SKAP1: variants seen among roughly 807,000 people sequenced by gnomAD.
The protein encoded by SKAP1 is src kinase-associated phosphoprotein 1.
Under a neutral mutation model 58.5 loss-of-function variants are expected in SKAP1, and 44 were observed. The observed-to-expected ratio is 0.75, with a 90% CI of 0.59 to 0.97. The LOEUF (loss-of-function observed/expected upper bound fraction) is 0.97, where lower values mean the gene tolerates loss of function less well. Among genes scored for constraint, SKAP1 ranks in the 50% least tolerant of loss-of-function variants. The pLI is 0.00. For missense variants in SKAP1, 390 were observed against 435.2 expected, an observed-to-expected ratio of 0.90 and a Z score of 0.92; for synonymous variants, 127 against 149.7, an observed-to-expected ratio of 0.85 and a Z score of 1.11.
intron 4 of SKAP1, among the ~76,000 whole-genome samples, chr17:48,344,816 GA>G (rs901230060): frequency 1.1e-3 from 170 of 151,418 alleles, no homozygotes; most frequent in African/African-American, 3.8e-3. Context: ...CAGTGAAAGG[GA>G]AAAAAAACAT....
chr17:48,347,170 A>G (rs2066733580), intron 3 of SKAP1, among the ~76,000 whole-genome samples: 2 of 152,210 alleles, frequency 1.3e-5, no homozygotes, highest in African/African-American at 4.8e-5. Flanking sequence ...TCCCCCAAAT[A>G]GAGGTACAGT....
chr17:48,138,300 G>A (rs780540268), intron 11 of SKAP1, among the ~76,000 whole-genome samples: 31 of 151,596 alleles, frequency 2.0e-4, no homozygotes, highest in Non-Finnish European at 4.1e-4. Flanking sequence ...CGGCTCCCAC[G>A]TTCAAGCAAT....
At chr17:48,393,571 T>G (rs150758932) in intron 2 of SKAP1, among the ~76,000 whole-genome samples, 1 of 152,098 alleles carries the variant, frequency 6.6e-6, no homozygotes, top group Non-Finnish European at 1.5e-5. Flanking sequence ...TTACAGCAAG[T>G]CCACAACCAT....
intron 4 of SKAP1, among the ~76,000 whole-genome samples, chr17:48,288,740 G>A (rs1428149991): frequency 2.6e-5 from 4 of 152,186 alleles, no homozygotes; most frequent in Non-Finnish European, 4.4e-5. Flanking sequence ...GAGGCAGACT[G>A]CTAGGAATCT....
At chr17:48,256,768 G>T (rs2065427971) in intron 4 of SKAP1, among the ~76,000 whole-genome samples, 1 of 152,074 alleles carries the variant, frequency 6.6e-6, no homozygotes, top group Non-Finnish European at 1.5e-5. Context: ...GCAATTGAAG[G>T]TAAGGAAGGA....
At chr17:48,179,691 T>G (rs920928001) in intron 9 of SKAP1, among the ~76,000 whole-genome samples, 1 of 152,192 alleles carries the variant, frequency 6.6e-6, no homozygotes, top group Non-Finnish European at 1.5e-5. Flanking sequence ...TTTCCATTAT[T>G]CTCACAACTA....
At chr17:48,173,532 A>G (rs2064245795) in intron 9 of SKAP1, among the ~76,000 whole-genome samples, 1 of 152,206 alleles carries the variant, frequency 6.6e-6, no homozygotes, top group Non-Finnish European at 1.5e-5. Context: ...TTAGGATTGG[A>G]AACATTAGAG....
intron 4 of SKAP1, among the ~76,000 whole-genome samples, chr17:48,242,646 T>TG (rs1182792431): frequency 6.6e-6 from 1 of 152,218 alleles, no homozygotes; most frequent in African/African-American, 2.4e-5. Context: ...AGTTAACCAC[T>TG]GCAAGGAAGG....
intron 3 of SKAP1, among the ~76,000 whole-genome samples, chr17:48,353,180 T>C (rs1456129452): frequency 6.6e-6 from 1 of 152,216 alleles, no homozygotes; most frequent in Non-Finnish European, 1.5e-5. Flanking sequence ...CTTTTTGGTA[T>C]GAATTTCATG....
At chr17:48,437,535 G>T in the SKAP1 span, among the ~76,000 whole-genome samples, 1 of 152,054 alleles carries the variant, frequency 6.6e-6, no homozygotes, top group South Asian at 2.1e-4. Context: ...TTGAGGCCAG[G>T]AGTTTGAGAC....
chr17:48,370,902 A>AT (rs1328930539), intron 2 of SKAP1, among the ~76,000 whole-genome samples: 2 of 152,230 alleles, frequency 1.3e-5, no homozygotes, highest in Admixed American at 1.3e-4. Context: ...AGTGGATTAG[A>AT]TTTTTTTAAA....
chr17:48,227,048 T>C (rs2143761031), intron 4 of SKAP1, among the ~76,000 whole-genome samples: 1 of 152,298 alleles, frequency 6.6e-6, no homozygotes, highest in East Asian at 1.9e-4. Flanking sequence ...GTTATTGAGC[T>C]TGCTTTGAAT....
chr17:48,371,837 AAAAAAAAAAAG>A (rs1203626381), intron 2 of SKAP1, among the ~76,000 whole-genome samples: 3 of 134,278 alleles, frequency 2.2e-5, no homozygotes, highest in Admixed American at 7.2e-5. Flanking sequence ...ACCCTGTCTC[AAAAAAAAAAAG>A]AAAAGAAAAA....
At chr17:48,393,323 G>A (rs759091916) in intron 2 of SKAP1, among the ~76,000 whole-genome samples, 2 of 152,130 alleles carry the variant, frequency 1.3e-5, no homozygotes, top group Non-Finnish European at 2.9e-5. Context: ...AAAGAAAAGA[G>A]TATGTAAATA....
intron 4 of SKAP1, among the ~76,000 whole-genome samples, chr17:48,343,405 T>G (rs573863378): frequency 6.6e-6 from 1 of 152,218 alleles, no homozygotes; most frequent in South Asian, 2.1e-4. Context: ...GTGCCTGTTA[T>G]GTATTAGGCA....
chr17:48,266,396 A>G (rs2065549823), intron 4 of SKAP1, among the ~76,000 whole-genome samples: 1 of 152,204 alleles, frequency 6.6e-6, no homozygotes, highest in African/African-American at 2.4e-5. Flanking sequence ...GAATTATACT[A>G]TACATAACAA....
chr17:48,419,664 C>T (rs1370133508), intron 1 of SKAP1, among the ~76,000 whole-genome samples: 3 of 152,006 alleles, frequency 2.0e-5, no homozygotes, highest in African/African-American at 4.8e-5. Context: ...GCTACCTATG[C>T]ACCCCAGCCT....
At chr17:48,340,545 G>C (rs957096018) in intron 4 of SKAP1, among the ~76,000 whole-genome samples, 1 of 152,046 alleles carries the variant, frequency 6.6e-6, no homozygotes, top group Non-Finnish European at 1.5e-5. Context: ...AGCAAAACCT[G>C]ATCATTACAG....
At chr17:48,339,745 A>G (rs1274703826) in intron 4 of SKAP1, among the ~76,000 whole-genome samples, 1 of 152,292 alleles carries the variant, frequency 6.6e-6, no homozygotes, top group Admixed American at 6.5e-5. Flanking sequence ...TAATTCACAT[A>G]CCTCAGTAAA....
Sources: allele counts gnomAD v4.1 joint callset (sites outside exome capture counted in the v4.1 genomes callset), GRCh38; gene constraint gnomAD v4.1.1; transcripts MANE v1.5; gene names NCBI Gene and HGNC (gene_info 2026-07-23, HGNC 2026-07-21).